The following LTBP2 variants were observed in gnomAD, a reference collection of about 807,000 sequenced individuals.
LTBP2 encodes the protein latent-transforming growth factor beta-binding protein 2.
A neutral mutation model predicts 210.6 loss-of-function variants in LTBP2; 103 were observed. The ratio of observed to expected loss-of-function variants is 0.49; its 90% CI spans 0.42 to 0.58. The LOEUF is 0.58. Ranked by LOEUF, LTBP2 falls within the 20% of genes least tolerant of loss-of-function variation. The pLI is 0.00. For synonymous variants in LTBP2, 1,007 were observed against 1,015.0 expected (o/e 0.99, Z 0.15); for missense variants, 2,313 against 2,494.5 (o/e 0.93, Z 1.55).
Position 74,555,835 on chromosome 14 carries a change from A to G in LTBP2, c.831-142T>C, listed in dbSNP as rs57176747. On this transcript the variant is annotated intron_variant, in intron 3 of 35. Coordinates refer to ENST00000261978, the MANE Select transcript of LTBP2 (RefSeq NM_000428.3). Reference sequence around the variant, plus strand: ...TCTCACCCATGTATGGCTGACTCCCAGACATGAAGGTGCCCTGAGGCAGAA... The same window carrying G: ...TCTCACCCATGTATGGCTGACTCCCGGACATGAAGGTGCCCTGAGGCAGAA... 0.52 allele frequency: 269,548 copies of G among 521,842 alleles called. 73,391 individuals carry two copies. The highest frequency in any genetic ancestry group is 0.56 in the Non-Finnish European group (178,822 of 321,932). The allele number at this position is 521,842 out of a possible 1,614,324, so 32.3% of individuals were successfully genotyped here.
intron 2 of LTBP2, among the ~76,000 whole-genome samples, chr14:74,590,589 CA>C (rs2088268629): frequency 6.7e-6 from 1 of 149,908 alleles, no homozygotes; most frequent in Non-Finnish European, 1.5e-5. Context: ...GACTCTGCCT[CA>C]AAAAAAGAAA....
chr14:74,527,006 C>G (rs964916051), intron 13 of LTBP2, among the ~76,000 whole-genome samples: 1 of 152,182 alleles, frequency 6.6e-6, no homozygotes, highest in Admixed American at 6.5e-5. Context: ...CTGGAAGCAG[C>G]TCCACACCTC....
Position 74,535,981 on chromosome 14 carries a change from A to T in LTBP2, c.1809T>A (p.Asn603Lys), listed in dbSNP as rs1276635011. The change falls in exon 9 of 36, where the codon AAT (asparagine) becomes AAA (lysine). Residue 603 changes from asparagine (N) to lysine (K), a missense_variant. Physicochemically the swap from Asn to Lys is moderately conservative, Grantham distance 94. Coordinates refer to ENST00000261978, the MANE Select transcript of LTBP2 (RefSeq NM_000428.3). ...ACCCCTGAGGACACTCCAGCTGGCC[A>T]TTCTCAATCACCGGGGAGGCTGAAG... ...PPRPASPVIE[N>K]GQLECPQGYK... 6.2e-7 allele frequency: 1 copy of T among 1,614,178 alleles called. No homozygotes were observed. The highest frequency in any genetic ancestry group is 2.2e-5 in the East Asian group (1 of 44,878).
chr14:74,590,806 G>A (rs2088272516), intron 2 of LTBP2, among the ~76,000 whole-genome samples: 1 of 152,048 alleles, frequency 6.6e-6, no homozygotes, highest in Admixed American at 6.6e-5. Context: ...GTATGAAAAG[G>A]CATACAGAGT....
At chr14:74,517,519 C>T (rs1332366658) in intron 17 of LTBP2, among the ~76,000 whole-genome samples, 2 of 152,022 alleles carry the variant, frequency 1.3e-5, no homozygotes, top group African/African-American at 4.8e-5. Flanking sequence ...TACAGGTGCC[C>T]GCTACCACAC....
chr14:74,512,418 C>T (rs80189658), intron 18 of LTBP2, among the ~76,000 whole-genome samples: 1 of 152,204 alleles, frequency 6.6e-6, no homozygotes, highest in African/African-American at 2.4e-5. Context: ...ACCTACTCAG[C>T]ACCTATGGAG....
intron 3 of LTBP2, among the ~76,000 whole-genome samples, chr14:74,570,299 A>G (rs1230697035): frequency 6.6e-6 from 1 of 152,128 alleles, no homozygotes; most frequent in Non-Finnish European, 1.5e-5. Context: ...GCCCCCACAC[A>G]TGCCCATGCA....
chr14:74,501,428 A>G lies in LTBP2; in HGVS notation c.5320+13T>C. The stretch of plus-strand genomic sequence containing the variant: ...GGGCCAGCCTGACTCCTCCATCAGA[A>G]TTCTGCACTTACCTACGCAGGCCAT... On this transcript the variant is annotated intron_variant, in intron 35 of 35. Transcript: ENST00000261978. The G allele has an allele frequency of 6.2e-7, 1 of 1,614,026 alleles. No individual in the cohort carries two copies. The highest frequency in any genetic ancestry group is 8.5e-7 in the Non-Finnish European group (1 of 1,179,998).
At chr14:74,538,504 GTTAGT>G (rs140544398) in intron 8 of LTBP2, among the ~76,000 whole-genome samples, 101,634 of 151,176 alleles carry the variant, frequency 0.67, 35,445 homozygotes, top group Non-Finnish European at 0.78. Context: ...TTTTGTGTGG[GTTAGT>G]TTAGTTAACA....
At chr14:74,512,647 T>C (rs937207378) in intron 18 of LTBP2, among the ~76,000 whole-genome samples, 42 of 152,226 alleles carry the variant, frequency 2.8e-4, no homozygotes, top group African/African-American at 8.7e-4. Context: ...CTAAAGCTTC[T>C]GCCTGAGGGT....
chr14:74,557,074 C>T (rs1778557546), intron 3 of LTBP2, among the ~76,000 whole-genome samples: 1 of 152,086 alleles, frequency 6.6e-6, no homozygotes, highest in South Asian at 2.1e-4. Flanking sequence ...TCACCCTGGT[C>T]AACATGGTGA....
At chr14:74,592,689 C>T (rs1435780059) in intron 2 of LTBP2, among the ~76,000 whole-genome samples, 2 of 152,104 alleles carry the variant, frequency 1.3e-5, no homozygotes, top group Non-Finnish European at 1.5e-5. Flanking sequence ...ACAGACCAGG[C>T]CTTATACTTG....
intron 24 of LTBP2, 40 bp downstream of exon 24, chr14:74,508,564 A>G: frequency 6.3e-7 from 1 of 1,590,180 alleles, no homozygotes; most frequent in Non-Finnish European, 8.5e-7. Context: ...CTGGCTTCCC[A>G]TGCTCCTGGC....
intron 3 of LTBP2, among the ~76,000 whole-genome samples, chr14:74,564,746 C>T (rs916099397): frequency 2.0e-5 from 3 of 152,082 alleles, no homozygotes; most frequent in African/African-American, 4.8e-5. Flanking sequence ...ACGCCCATTA[C>T]GTGCATCCTC....
rs1388817226 is a variant in LTBP2, at chr14:74,508,515, C to T, written c.3652+89G>A. ...AAAGGGACACCACTCTAGTCTTAGC[C>T]TGTAGCGCCCATGCTCCTGACCAGT... On this transcript the variant is annotated intron_variant, in intron 24 of 35. Transcript: ENST00000261978. The T allele has an allele frequency of 3.2e-6, 5 of 1,542,040 alleles. No homozygotes were observed. In the African/African-American group the frequency reaches 4.1e-5, roughly 13 times the overall value.
rs766749435 is a variant in LTBP2 at position 74,551,232 on chromosome 14, G to A, written c.1518C>T (p.Ser506=). 2.0e-5 allele frequency: 32 copies of A among 1,612,992 alleles called. 1 individual carries two copies. Among genetic ancestry groups the A allele is most frequent in the Admixed American group, 1.8e-4 (11 of 59,942 alleles). ...GGVEEALVEN[S]VETRPPPWLP... is the part of the protein sequence containing the mutation. Reference sequence around the variant, plus strand: ...GCCAGGGCGGGGGTCTGGTCTCCACGCTGTTCTCCACTAGGGCCTCCTCCA... The same window carrying A: ...GCCAGGGCGGGGGTCTGGTCTCCACACTGTTCTCCACTAGGGCCTCCTCCA... Residue 506 remains serine (S), a synonymous_variant, in exon 7 of 36, where the codon AGC becomes AGT. Transcript: ENST00000261978.
At chr14:74,509,465 T>C in intron 21 of LTBP2, 102 bp from the exon 22 acceptor site, 2 of 1,540,034 alleles carry the variant, frequency 1.3e-6, no homozygotes, top group Non-Finnish European at 1.8e-6. Flanking sequence ...CCTGGGGCTT[T>C]CCTAAAACCC....
At chr14:74,515,708 C>A (rs1037225178) in intron 18 of LTBP2, among the ~76,000 whole-genome samples, 4 of 152,166 alleles carry the variant, frequency 2.6e-5, no homozygotes, top group Non-Finnish European at 4.4e-5. Context: ...ACACCTGGGA[C>A]ACAGGAGGCA....
intron 8 of LTBP2, 61 bp downstream of exon 8, chr14:74,549,802 G>A (rs1283077292): frequency 1.4e-6 from 2 of 1,396,542 alleles, no homozygotes; most frequent in East Asian, 4.6e-5. Flanking sequence ...ACCCTGGCAG[G>A]AGAGGGCAGG....
Sources: gnomAD v4.1 joint callset for allele counts (sites outside exome capture counted in the v4.1 genomes callset) on GRCh38, gnomAD v4.1.1 for gene constraint, MANE v1.5 for transcripts, NCBI Gene and HGNC (gene_info 2026-07-23, HGNC 2026-07-21) for gene names.